Variants in PLS1 observed in about 807,000 individuals in gnomAD.
PLS1 encodes plastin-1.
PLS1 carries 32 observed loss-of-function variants against 73.7 expected under a neutral mutation model. The ratio of observed to expected loss-of-function variants is 0.43; its 90% CI spans 0.33 to 0.58. The LOEUF is 0.58. Among genes scored for constraint, PLS1 ranks in the 20% least tolerant of loss-of-function variants. PLS1 has a pLI of 0.04. For missense variants in PLS1, 633 were observed against 740.5 expected, an observed-to-expected ratio of 0.85 and a Z score of 1.68; for synonymous variants, 217 against 261.3, an observed-to-expected ratio of 0.83 and a Z score of 1.63.
chr3:142,667,329 C>T (rs1182997963), intron 2 of PLS1, among the ~76,000 whole-genome samples: 1 of 152,012 alleles, frequency 6.6e-6, no homozygotes, highest in East Asian at 1.9e-4. Flanking sequence ...GCAGGAGAAT[C>T]GCTTGAACCT....
Position 142,684,111 on chromosome 3 carries a change from C to A in PLS1, c.685C>A (p.Leu229Ile), listed in dbSNP as rs371306854. The change falls in exon 7 of 16, where the codon CTT (leucine) becomes ATT (isoleucine). Residue 229 changes from leucine (L) to isoleucine (I), a missense_variant. By Grantham distance (5) the Leu-to-Ile change is conservative. Transcript: ENST00000457734. ...AGGAAAACCTCACTTGGTCTTGGGA[C>A]TTCTCTGGCAGATCATCAAAGTTGG... ...KEGKPHLVLG[L>I]LWQIIKVGLF... 86 of 1,613,902 alleles carry A rather than the reference C, an allele frequency of 5.3e-5. No individual in the cohort carries two copies. The highest frequency in any genetic ancestry group is 6.8e-5 in the Non-Finnish European group (80 of 1,179,942).
chr3:142,660,414 C>T (rs1009523057), intron 1 of PLS1, among the ~76,000 whole-genome samples: 8 of 152,114 alleles, frequency 5.3e-5, no homozygotes, highest in African/African-American at 1.9e-4. Flanking sequence ...ATCTAGTGAA[C>T]GTCATAGCTT....
rs6793735 is a variant in PLS1 at position 142,689,764 on chromosome 3, G to A, written c.1128G>A (p.Pro376=). 1,012,879 of 1,602,268 alleles carry A rather than the reference G, an allele frequency of 0.63. 328,289 individuals are homozygous for A. Among genetic ancestry groups the A allele is most frequent in the African/African-American group, 0.9 (67,030 of 74,350 alleles). ...AFVANLFNTY[P]CLHKPNNNDI... ...TAGCTAATTTGTTTAACACATACCC[G>A]TGCCTGCACAAGCCGAATAATAATG... is the stretch of plus-strand genomic sequence containing the variant. The change falls in exon 10 of 16, where the codon CCG becomes CCA. Residue 376 remains proline (P), a synonymous_variant. Coordinates refer to ENST00000457734, the MANE Select transcript of PLS1 (RefSeq NM_001145319.2).
At chr3:142,701,022 C>A (rs923967462) in intron 12 of PLS1, among the ~76,000 whole-genome samples, 1 of 152,164 alleles carries the variant, frequency 6.6e-6, no homozygotes, top group Admixed American at 6.5e-5. Context: ...AACTATAAGT[C>A]CAATTAAACC....
At chr3:142,640,089 C>T (rs1248932889) in intron 1 of PLS1, among the ~76,000 whole-genome samples, 1 of 152,110 alleles carries the variant, frequency 6.6e-6, no homozygotes, top group Non-Finnish European at 1.5e-5. Context: ...TGATTACATA[C>T]ATGGCATGTC....
rs746066471 is a variant in PLS1, at chr3:142,684,236, C to T, written c.746-17C>T. On this transcript the variant is annotated splice_polypyrimidine_tract_variant and intron_variant, in intron 7 of 15. Coordinates refer to ENST00000457734, the MANE Select transcript of PLS1 (RefSeq NM_001145319.2). ...CTTGCTATGGGAAGAATTTACATTT[C>T]GCTGTTTTGCCCTCAGCTCTGATTG... 1.2e-4 allele frequency: 188 copies of T among 1,613,726 alleles called. 1 individual carries two copies. The highest frequency in any genetic ancestry group is 1.5e-4 in the Non-Finnish European group (182 of 1,179,806).
chr3:142,636,176 G>C (rs1318912178), intron 1 of PLS1, among the ~76,000 whole-genome samples: 1 of 152,036 alleles, frequency 6.6e-6, no homozygotes, highest in East Asian at 1.9e-4. Flanking sequence ...GTAGGTGTGA[G>C]CCACCACACC....
chr3:142,704,634 A>ATTTT, intron 14 of PLS1, 48 bp downstream of exon 14: 3 of 527,308 alleles, frequency 5.7e-6, no homozygotes, highest in Non-Finnish European at 9.0e-6. Flanking sequence ...TATAGGAAGG[A>ATTTT]ATTTTTTTTT....
chr3:142,664,167 G>A (rs1055926576), intron 1 of PLS1, 35 bp from the exon 2 acceptor site: 1 of 824,448 alleles, frequency 1.2e-6, no homozygotes. Context: ...GTTTCCAAAG[G>A]CTTCATGCTT....
chr3:142,695,115 T>G (rs1467087146), intron 11 of PLS1, among the ~76,000 whole-genome samples: 3 of 149,954 alleles, frequency 2.0e-5, no homozygotes, highest in African/African-American at 7.5e-5. Context: ...AGGAAACCAT[T>G]CTTCTCTCTT....
At chr3:142,665,303 A>G (rs2037456955) in intron 2 of PLS1, among the ~76,000 whole-genome samples, 1 of 151,872 alleles carries the variant, frequency 6.6e-6, no homozygotes, top group African/African-American at 2.4e-5. Context: ...ACTCCAAAAA[A>G]AAAAAAAACC....
At chr3:142,619,278 A>T (rs2036272567) in intron 1 of PLS1, among the ~76,000 whole-genome samples, 1 of 152,172 alleles carries the variant, frequency 6.6e-6, no homozygotes. Context: ...TTCTGATATG[A>T]GAGAGGCACA....
chr3:142,697,594 G>A (rs917729786), intron 11 of PLS1, among the ~76,000 whole-genome samples: 5 of 152,054 alleles, frequency 3.3e-5, no homozygotes, highest in African/African-American at 1.2e-4. Flanking sequence ...AATTTGATAT[G>A]TCTTGCAAAG....
chr3:142,660,613 CCA>C (rs2037349516), intron 1 of PLS1, among the ~76,000 whole-genome samples: 1 of 152,178 alleles, frequency 6.6e-6, no homozygotes, highest in Non-Finnish European at 1.5e-5. Context: ...TGTGTAACTT[CCA>C]CACCATTGTG....
chr3:142,660,751 A>G (rs1180617491), intron 1 of PLS1, among the ~76,000 whole-genome samples: 1 of 152,166 alleles, frequency 6.6e-6, no homozygotes, highest in African/African-American at 2.4e-5. Context: ...ACATCTTTAC[A>G]CTTATTAGCT....
intron 1 of PLS1, among the ~76,000 whole-genome samples, chr3:142,601,523 A>G (rs1313698464): frequency 6.6e-6 from 1 of 152,098 alleles, no homozygotes; most frequent in Non-Finnish European, 1.5e-5. Context: ...ACAATTACTC[A>G]TTTATTTTTA....
At chr3:142,683,943 AT>A in intron 6 of PLS1, 62 bp from the exon 7 acceptor site, 1 of 1,232,302 alleles carries the variant, frequency 8.1e-7, no homozygotes, top group Non-Finnish European at 1.1e-6. Flanking sequence ...CTTATAGATA[AT>A]TTTTATAGAT....
chr3:142,599,074 C>T (rs1431131981), intron 1 of PLS1, among the ~76,000 whole-genome samples: 4 of 151,770 alleles, frequency 2.6e-5, no homozygotes, highest in African/African-American at 4.8e-5. Flanking sequence ...TCTTATTTCC[C>T]GTTCTAGATG....
chr3:142,669,957 T>C (rs781020072), intron 3 of PLS1, among the ~76,000 whole-genome samples: 29 of 152,198 alleles, frequency 1.9e-4, no homozygotes, highest in Non-Finnish European at 3.5e-4. Flanking sequence ...CTGTGAGTAA[T>C]GTGATGAGTA....
Sources: allele counts gnomAD v4.1 joint callset (sites outside exome capture counted in the v4.1 genomes callset), GRCh38; gene constraint gnomAD v4.1.1; transcripts MANE v1.5; gene names NCBI Gene and HGNC (gene_info 2026-07-23, HGNC 2026-07-21).